Variants in MCTP2 observed in about 807,000 individuals in gnomAD.
The protein encoded by MCTP2 is multiple C2 and transmembrane domain containing 2.
MCTP2 carries 132 observed loss-of-function variants against 111.6 expected under a neutral mutation model. The observed-to-expected ratio is 1.18, with a 90% CI of 1.03 to 1.37. MCTP2 has a LOEUF of 1.37. MCTP2 is among the 40% of genes most tolerant of loss of function. The pLI is 0.00. For synonymous variants in MCTP2, 395 were observed against 387.7 expected, an observed-to-expected ratio of 1.02 and a Z score of -0.22; for missense variants, 1,183 against 1,067.9, an observed-to-expected ratio of 1.11 and a Z score of -1.50.
intron 19 of MCTP2, among the ~76,000 whole-genome samples, chr15:94,455,430 A>G (rs148166557): frequency 1.3e-3 from 201 of 151,462 alleles, no homozygotes; most frequent in African/African-American, 4.7e-3. Flanking sequence ...GCTCATAGAC[A>G]GTGTTCTTTC....
intron 2 of MCTP2, among the ~76,000 whole-genome samples, chr15:94,311,402 T>C (rs1371300010): frequency 2.0e-5 from 3 of 152,170 alleles, no homozygotes; most frequent in Non-Finnish European, 4.4e-5. Flanking sequence ...AATTCTTCTC[T>C]TTTTAATGAA....
At chr15:94,266,333 T>C (rs1313772047) in intron 1 of MCTP2, among the ~76,000 whole-genome samples, 1 of 152,222 alleles carries the variant, frequency 6.6e-6, no homozygotes, top group Non-Finnish European at 1.5e-5. Flanking sequence ...GACTCGTTTG[T>C]ATTTTTATTA....
At chr15:94,291,718 A>G (rs1055091368) in intron 1 of MCTP2, among the ~76,000 whole-genome samples, 6 of 152,228 alleles carry the variant, frequency 3.9e-5, no homozygotes, top group African/African-American at 1.4e-4. Flanking sequence ...TGAAAATGAC[A>G]TTTCACATCT....
At chr15:94,377,090 G>C (rs1314164593) in intron 12 of MCTP2, among the ~76,000 whole-genome samples, 2 of 152,086 alleles carry the variant, frequency 1.3e-5, no homozygotes, top group African/African-American at 4.8e-5. Context: ...TTATATTGCT[G>C]TTTTTGTTTT....
intron 4 of MCTP2, among the ~76,000 whole-genome samples, chr15:94,322,828 T>G (rs8040258): frequency 0.82 from 125,199 of 152,190 alleles, 51,756 homozygotes; most frequent in East Asian, 0.93. Context: ...AGTGGAAGAA[T>G]ATGGTGTCTC....
rs569278758 is a variant in MCTP2, at chr15:94,319,094, C to T, written c.637+3457C>T. Among the ~76,000 whole-genome samples the T allele has an allele frequency of 8.7e-4, 130 of 149,984 alleles. 1 individual carries two copies. The highest frequency in any genetic ancestry group is 3.1e-3 in the African/African-American group (125 of 40,792). ...TTTATTGTTATCTGTTAAGAAAATACCCCACTCTTTCAACATTTTTTATTT... is the reference window on the plus strand; with the variant it reads ...TTTATTGTTATCTGTTAAGAAAATATCCCACTCTTTCAACATTTTTTATTT... On this transcript the variant is annotated intron_variant, in intron 4 of 22. Transcript: ENST00000357742.
At chr15:94,356,359 A>G in intron 9 of MCTP2, 58 bp downstream of exon 9, 1 of 1,414,704 alleles carries the variant, frequency 7.1e-7, no homozygotes, top group Non-Finnish European at 9.3e-7. Context: ...AAAAATTAAA[A>G]ATTGTTTCCC....
chr15:94,272,895 T>C (rs1441131905), intron 1 of MCTP2, among the ~76,000 whole-genome samples: 1 of 152,246 alleles, frequency 6.6e-6, no homozygotes, highest in South Asian at 2.1e-4. Flanking sequence ...AATTGTCATC[T>C]GAATTGCCAA....
intron 14 of MCTP2, among the ~76,000 whole-genome samples, chr15:94,393,065 A>G (rs2081084967): frequency 1.3e-5 from 2 of 152,200 alleles, no homozygotes; most frequent in Admixed American, 6.5e-5. Flanking sequence ...ATTTGCAAAT[A>G]CTATCTGATA....
intron 17 of MCTP2, among the ~76,000 whole-genome samples, chr15:94,433,220 T>G (rs544894823): frequency 6.6e-6 from 1 of 152,290 alleles, no homozygotes; most frequent in South Asian, 2.1e-4. Context: ...TTTTCATGAG[T>G]CATGTTCTCC....
At chr15:94,348,259 C>T (rs2078095936) in intron 8 of MCTP2, among the ~76,000 whole-genome samples, 1 of 151,344 alleles carries the variant, frequency 6.6e-6, no homozygotes, top group Non-Finnish European at 1.5e-5. Flanking sequence ...CTAGGCACTC[C>T]TATCAGCTGG....
chr15:94,403,709 G>A (rs2081730259), intron 17 of MCTP2, among the ~76,000 whole-genome samples: 1 of 152,180 alleles, frequency 6.6e-6, no homozygotes. Flanking sequence ...CTTCTCCACG[G>A]CCTTTTCTCT....
Position 94,477,183 on chromosome 15 carries a change from G to A in MCTP2, c.2568+390G>A, listed in dbSNP as rs2074436923. Among the ~76,000 whole-genome samples the A allele has an allele frequency of 2.6e-5, 4 of 152,032 alleles. No individual in the cohort carries two copies. In the South Asian group the frequency reaches 8.3e-4, roughly 32 times the overall value. ...GTGGCAAGCATTTTAGGGGAAGTAG[G>A]GGACAAAAGGATTATTCTTTTTATT... is the stretch of plus-strand genomic sequence containing the variant. On this transcript the variant is annotated intron_variant, in intron 22 of 22. Coordinates refer to ENST00000357742, the MANE Select transcript of MCTP2 (RefSeq NM_001385001.1).
chr15:94,371,693 G>GT (rs1350027076), intron 12 of MCTP2, among the ~76,000 whole-genome samples: 8 of 151,734 alleles, frequency 5.3e-5, no homozygotes, highest in Non-Finnish European at 8.8e-5. Context: ...GAAACCCTTT[G>GT]TTTTTTTTAA....
chr15:94,263,544 T>C (rs887371118), intron 1 of MCTP2, among the ~76,000 whole-genome samples: 3 of 152,204 alleles, frequency 2.0e-5, no homozygotes, highest in Non-Finnish European at 4.4e-5. Context: ...ATCTAAAACA[T>C]GTGTCTTCTC....
chr15:94,368,488 A>AGTG (rs1434848360), intron 11 of MCTP2, among the ~76,000 whole-genome samples: 4 of 152,218 alleles, frequency 2.6e-5, no homozygotes, highest in African/African-American at 9.6e-5. Context: ...GTTTTAGGGA[A>AGTG]GTGGCATGAA....
intron 2 of MCTP2, among the ~76,000 whole-genome samples, chr15:94,309,049 G>T (rs1368665984): frequency 6.6e-6 from 1 of 152,126 alleles, no homozygotes; most frequent in African/African-American, 2.4e-5. Context: ...CACCTTGATT[G>T]TATGATCCAT....
At chr15:94,307,991 C>A (rs1021047072) in intron 2 of MCTP2, among the ~76,000 whole-genome samples, 1 of 152,064 alleles carries the variant, frequency 6.6e-6, no homozygotes, top group African/African-American at 2.4e-5. Context: ...AATAGAATAG[C>A]AACACCAATC....
intron 1 of MCTP2, among the ~76,000 whole-genome samples, chr15:94,272,755 G>A (rs1276616894): frequency 2.6e-5 from 4 of 151,264 alleles, no homozygotes; most frequent in African/African-American, 7.3e-5. Flanking sequence ...CTCTGGCTAT[G>A]TCTTTCTAGT....
Sources: allele counts gnomAD v4.1 joint callset (sites outside exome capture counted in the v4.1 genomes callset), GRCh38; gene constraint gnomAD v4.1.1; transcripts MANE v1.5; gene names NCBI Gene and HGNC (gene_info 2026-07-23, HGNC 2026-07-21).